PRLR: variants seen among roughly 807,000 people sequenced by gnomAD.
PRLR encodes hPRL receptor.
In PRLR, 13 loss-of-function variants were observed where a neutral mutation model predicts 40.2. The observed-to-expected ratio is 0.32, with a 90% CI of 0.21 to 0.51. The LOEUF (loss-of-function observed/expected upper bound fraction) is 0.51, where lower values mean the gene tolerates loss of function less well. Among genes scored for constraint, PRLR ranks in the 20% least tolerant of loss-of-function variants. The pLI, the probability that PRLR is intolerant of heterozygous loss-of-function variation, is 0.97. For synonymous variants in PRLR, 269 were observed against 278.7 expected, an observed-to-expected ratio of 0.97 and a Z score of 0.35; for missense variants, 656 against 747.3, an observed-to-expected ratio of 0.88 and a Z score of 1.42.
At chr5:35,080,143 A>T (rs192159965) in intron 5 of PRLR, among the ~76,000 whole-genome samples, 1,785 of 152,302 alleles carry the variant, frequency 0.012, 30 homozygotes, top group African/African-American at 0.04. Flanking sequence ...GGACTTCATG[A>T]CTAAAACACC....
At chr5:35,207,614 T>TTGTGTGTGTGTGTGTGTG (rs142502829) in intron 1 of PRLR, among the ~76,000 whole-genome samples, 89 of 146,966 alleles carry the variant, frequency 6.1e-4, no homozygotes, top group Non-Finnish European at 7.1e-4. Context: ...CAATGGGAGA[T>TTGTGTGTGTGTGTGTGTG]TGTGTGTGTG....
intron 1 of PRLR, among the ~76,000 whole-genome samples, chr5:35,190,580 T>C (rs1775573275): frequency 6.6e-6 from 1 of 151,644 alleles, no homozygotes; most frequent in Admixed American, 6.6e-5. Flanking sequence ...GCCACTGCAC[T>C]CCAGCATGGG....
intron 1 of PRLR, among the ~76,000 whole-genome samples, chr5:35,187,675 A>G (rs1489318841): frequency 6.6e-6 from 1 of 152,150 alleles, no homozygotes; most frequent in Non-Finnish European, 1.5e-5. Flanking sequence ...CCTTCAAATA[A>G]TAGTGAAAAT....
At chr5:35,079,297 G>A (rs1438478469) in intron 5 of PRLR, among the ~76,000 whole-genome samples, 6 of 152,050 alleles carry the variant, frequency 3.9e-5, no homozygotes, top group Admixed American at 6.6e-5. Flanking sequence ...ATGATTGTAC[G>A]TTTAGAAAAC....
At chr5:35,124,512 A>G (rs955604235) in intron 1 of PRLR, among the ~76,000 whole-genome samples, 5 of 152,220 alleles carry the variant, frequency 3.3e-5, no homozygotes, top group African/African-American at 9.6e-5. Context: ...TCTGTAGTCT[A>G]TAACCCCTAG....
chr5:35,152,345 C>A (rs1774365610), intron 1 of PRLR, among the ~76,000 whole-genome samples: 1 of 152,084 alleles, frequency 6.6e-6, no homozygotes, highest in African/African-American at 2.4e-5. Context: ...AACTGGGAGG[C>A]TTATATTGTG....
At chr5:35,140,938 C>A (rs531567437) in intron 1 of PRLR, among the ~76,000 whole-genome samples, 1 of 152,328 alleles carries the variant, frequency 6.6e-6, no homozygotes, top group East Asian at 1.9e-4. Context: ...CTTCCAGCCT[C>A]CCCTCCTACA....
At chr5:35,092,270 T>TG (rs1377750934) in intron 2 of PRLR, among the ~76,000 whole-genome samples, 1 of 152,166 alleles carries the variant, frequency 6.6e-6, no homozygotes, top group Non-Finnish European at 1.5e-5. Context: ...AAAACCCCCA[T>TG]GCCAGGGAAT....
intron 2 of PRLR, among the ~76,000 whole-genome samples, chr5:35,111,375 T>C (rs934080671): frequency 2.0e-5 from 3 of 152,204 alleles, no homozygotes; most frequent in Admixed American, 2.0e-4. Context: ...CACTTCTGGC[T>C]GCTAGATGGT....
chr5:35,211,653 T>C (rs1392940544), intron 1 of PRLR, among the ~76,000 whole-genome samples: 1 of 152,180 alleles, frequency 6.6e-6, no homozygotes, highest in Non-Finnish European at 1.5e-5. Context: ...TACTTGCTTA[T>C]TGATGTTATT....
chr5:35,088,065 G>C (rs1162045004), intron 3 of PRLR, among the ~76,000 whole-genome samples: 1 of 152,238 alleles, frequency 6.6e-6, no homozygotes, highest in African/African-American at 2.4e-5. Context: ...AGACCTCAGT[G>C]AGGAGAAATG....
chr5:35,163,421 CAGCA>C (rs1213614528), intron 1 of PRLR, among the ~76,000 whole-genome samples: 1 of 152,108 alleles, frequency 6.6e-6, no homozygotes, highest in Non-Finnish European at 1.5e-5. Context: ...CATTAGGACT[CAGCA>C]AATCCAGAGG....
intron 1 of PRLR, among the ~76,000 whole-genome samples, chr5:35,154,020 T>C (rs1017129813): frequency 2.0e-4 from 31 of 152,200 alleles, no homozygotes; most frequent in African/African-American, 7.2e-4. Context: ...TTGGTTTTGA[T>C]AATAATTTTC....
At chr5:35,223,104 C>T (rs890791719) in intron 1 of PRLR, among the ~76,000 whole-genome samples, 3 of 152,174 alleles carry the variant, frequency 2.0e-5, no homozygotes. Context: ...AGAATCACCA[C>T]GAGGAATTAT....
chr5:35,049,272 A>G (rs1768391915), exon 9 of PRLR: 1 of 703,322 alleles, frequency 1.4e-6, no homozygotes, highest in Admixed American at 2.0e-5. Flanking sequence ...GAATTCTGGT[A>G]TATGCTCTTC....
chr5:35,160,896 C>T (rs1052963195), intron 1 of PRLR, among the ~76,000 whole-genome samples: 11 of 152,182 alleles, frequency 7.2e-5, no homozygotes, highest in African/African-American at 2.7e-4. Flanking sequence ...AACCACTAGC[C>T]CACAAGCCTT....
chr5:35,206,816 A>G (rs1278011369), intron 1 of PRLR, among the ~76,000 whole-genome samples: 1 of 152,094 alleles, frequency 6.6e-6, no homozygotes, highest in Non-Finnish European at 1.5e-5. Context: ...AAGACAAGAA[A>G]GTATGAAAAT....
rs569747016 is a variant in PRLR, at chr5:35,072,520, G to A, written c.543+55C>T. The stretch of plus-strand genomic sequence containing the variant: ...GGAATGACCTGTTTTCAGTTGTGAG[G>A]GCTTTATCCTTGCCAAAGGCCATAG... On this transcript the variant is annotated intron_variant, in intron 6 of 9. Transcript: ENST00000618457. 47 of 1,551,030 alleles carry A rather than the reference G, an allele frequency of 3.0e-5. No homozygotes were observed. In the African/African-American group the frequency reaches 5.9e-4, roughly 19 times the overall value.
In PRLR at chr5:35,172,469, T is replaced by C. The variant is rs570724479; in HGVS notation, c.-105-54347A>G. On this transcript the variant is annotated intron_variant, in intron 1 of 9. Coordinates refer to ENST00000618457, the MANE Select transcript of PRLR (RefSeq NM_000949.7). ...CTGAAGGTCACTGCTTCCCTCCAGA[T>C]GGCCCTTTCTACAGAACTCTCCCTT... is the stretch of plus-strand genomic sequence containing the variant. Among the ~76,000 whole-genome samples the C allele has an allele frequency of 3.9e-5, 6 of 152,296 alleles. No homozygotes were observed. In the East Asian group the frequency reaches 1.2e-3, roughly 29 times the overall value.
Sources: gnomAD v4.1 joint callset for allele counts (sites outside exome capture counted in the v4.1 genomes callset) on GRCh38, gnomAD v4.1.1 for gene constraint, MANE v1.5 for transcripts, NCBI Gene and HGNC (gene_info 2026-07-23, HGNC 2026-07-21) for gene names.